Variants in L3MBTL4 observed in about 807,000 individuals in gnomAD.
L3MBTL4 encodes L3MBTL histone methyl-lysine binding protein 4.
A neutral mutation model predicts 84.5 loss-of-function variants in L3MBTL4; 70 were observed. The ratio of observed to expected loss-of-function variants is 0.83; its 90% confidence interval spans 0.68 to 1.01. L3MBTL4 has a LOEUF of 1.01. L3MBTL4 is among the 50% of genes least tolerant of loss of function. The pLI, the probability that L3MBTL4 is intolerant of heterozygous loss-of-function variation, is 0.00. For synonymous variants in L3MBTL4, 274 were observed against 259.8 expected (o/e 1.05, Z -0.52); for missense variants, 715 against 754.8 (o/e 0.95, Z 0.62).
intron 1 of L3MBTL4, among the ~76,000 whole-genome samples, chr18:6,389,929 T>C (rs952121643): frequency 1.3e-5 from 2 of 152,130 alleles, no homozygotes; most frequent in Non-Finnish European, 2.9e-5. Context: ...GGACTTAAAC[T>C]ACACACTAGA....
chr18:6,238,366 C>T (rs943993072), intron 9 of L3MBTL4, among the ~76,000 whole-genome samples: 2 of 151,870 alleles, frequency 1.3e-5, no homozygotes, highest in Non-Finnish European at 2.9e-5. Context: ...ACCCCGTCTC[C>T]ACTAAAAATA....
At chr18:6,186,086 C>T (rs1470221860) in intron 12 of L3MBTL4, among the ~76,000 whole-genome samples, 1 of 151,742 alleles carries the variant, frequency 6.6e-6, no homozygotes, top group Non-Finnish European at 1.5e-5. Context: ...AGTCTCAGCT[C>T]ACTGCAAACT....
At chr18:6,337,682 G>A (rs2052408903) in intron 1 of L3MBTL4, among the ~76,000 whole-genome samples, 1 of 152,062 alleles carries the variant, frequency 6.6e-6, no homozygotes, top group African/African-American at 2.4e-5. Context: ...TGGACACATG[G>A]ATGTGTTTAC....
At chr18:6,243,504 C>A (rs1284387824) in intron 6 of L3MBTL4, 75 bp from the exon 7 acceptor site, 3 of 1,286,610 alleles carry the variant, frequency 2.3e-6, no homozygotes, top group Non-Finnish European at 3.2e-6. Flanking sequence ...ACAAAATATT[C>A]ATATATTTTG....
At chr18:6,153,678 G>A (rs1389989279) in intron 13 of L3MBTL4, among the ~76,000 whole-genome samples, 1 of 152,028 alleles carries the variant, frequency 6.6e-6, no homozygotes, top group Non-Finnish European at 1.5e-5. Context: ...ATGTGTTGAG[G>A]GAGGAAGGTG....
At chr18:6,378,659 T>G (rs772585612) in intron 1 of L3MBTL4, among the ~76,000 whole-genome samples, 1 of 152,152 alleles carries the variant, frequency 6.6e-6, no homozygotes, top group Non-Finnish European at 1.5e-5. Flanking sequence ...GAGGCCTCTG[T>G]TCTGTTCTGT....
intron 5 of L3MBTL4, among the ~76,000 whole-genome samples, chr18:6,257,077 T>C (rs2048175095): frequency 1.3e-5 from 2 of 152,136 alleles, no homozygotes; most frequent in African/African-American, 2.4e-5. Context: ...TGTAGTACGC[T>C]GGACACTTGA....
At chr18:6,083,155 T>A (rs1349985716) in intron 15 of L3MBTL4, among the ~76,000 whole-genome samples, 1 of 152,158 alleles carries the variant, frequency 6.6e-6, no homozygotes, top group Non-Finnish European at 1.5e-5. Flanking sequence ...GCTTTACACA[T>A]CACCTTCCAA....
intron 16 of L3MBTL4, among the ~76,000 whole-genome samples, chr18:6,041,052 C>A (rs2056377752): frequency 6.6e-6 from 1 of 152,166 alleles, no homozygotes; most frequent in Admixed American, 6.5e-5. Context: ...TGACAGATTC[C>A]CAATCAGGAG....
chr18:6,239,492 T>C (rs1354581398), intron 9 of L3MBTL4, among the ~76,000 whole-genome samples: 1 of 152,070 alleles, frequency 6.6e-6, no homozygotes, highest in African/African-American at 2.4e-5. Context: ...CAGGTTATAT[T>C]ATTTCAGATG....
Position 5,956,317 on chromosome 18 carries a change from C to T in L3MBTL4, c.1748G>A (p.Gly583Asp), listed in dbSNP as rs754833015. Residue 583 changes from glycine to aspartate, a missense_variant, in exon 19 of 19, where the codon GGC becomes GAC. Transcript: ENST00000317931. ...DIVKVMKIKL[G>D]PALKIYNSIL... ...AGAGTTGTAAATCTTCAGTGCTGGG[C>T]CCAGTTTGATCTTCATCACTTTGAC... is the stretch of plus-strand genomic sequence containing the variant. The T allele has an allele frequency of 6.2e-7, 1 of 1,614,060 alleles. No homozygotes were observed. The highest frequency in any genetic ancestry group is 8.5e-7 in the Non-Finnish European group (1 of 1,179,956).
chr18:6,157,396 T>C (rs2093175272), intron 13 of L3MBTL4, among the ~76,000 whole-genome samples: 2 of 152,222 alleles, frequency 1.3e-5, no homozygotes, highest in Non-Finnish European at 2.9e-5. Context: ...GCATTAACTT[T>C]TATTTTATAA....
intron 1 of L3MBTL4, among the ~76,000 whole-genome samples, chr18:6,394,228 G>A (rs2055178976): frequency 6.6e-6 from 1 of 152,196 alleles, no homozygotes; most frequent in Admixed American, 6.5e-5. Flanking sequence ...AGCACTTTGG[G>A]AGACCGAGTT....
At chr18:6,189,788 A>T (rs2044977692) in intron 12 of L3MBTL4, among the ~76,000 whole-genome samples, 1 of 152,208 alleles carries the variant, frequency 6.6e-6, no homozygotes, top group Non-Finnish European at 1.5e-5. Context: ...GCAGAAAAAA[A>T]GGCAAGTGGC....
At chr18:6,229,028 T>C (rs950720921) in intron 10 of L3MBTL4, among the ~76,000 whole-genome samples, 2 of 151,924 alleles carry the variant, frequency 1.3e-5, no homozygotes, top group Admixed American at 6.6e-5. Flanking sequence ...AGAAAGAAAA[T>C]GGAATCACAG....
chr18:6,102,070 T>G (rs1302823435), intron 14 of L3MBTL4, among the ~76,000 whole-genome samples: 1 of 152,212 alleles, frequency 6.6e-6, no homozygotes, highest in African/African-American at 2.4e-5. Context: ...TTCCTCATTA[T>G]AGTATTGTTT....
At chr18:6,095,623 T>C (rs2058615181) in intron 14 of L3MBTL4, among the ~76,000 whole-genome samples, 1 of 152,152 alleles carries the variant, frequency 6.6e-6, no homozygotes, top group Non-Finnish European at 1.5e-5. Flanking sequence ...GTGCTGGGAT[T>C]ACAAGCGTGA....
At chr18:6,393,100 A>G (rs1015694115) in intron 1 of L3MBTL4, among the ~76,000 whole-genome samples, 2 of 152,212 alleles carry the variant, frequency 1.3e-5, no homozygotes, top group Non-Finnish European at 1.5e-5. Context: ...TTTAACTATA[A>G]AGATAATAAA....
chr18:6,181,489 C>T (rs2044469722), intron 12 of L3MBTL4, among the ~76,000 whole-genome samples: 1 of 151,498 alleles, frequency 6.6e-6, no homozygotes, highest in African/African-American at 2.4e-5. Flanking sequence ...CCATGCCCAG[C>T]TAATTTTTCT....
Sources: allele counts gnomAD v4.1 joint callset (sites outside exome capture counted in the v4.1 genomes callset), GRCh38; gene constraint gnomAD v4.1.1; transcripts MANE v1.5; gene names NCBI Gene and HGNC (gene_info 2026-07-23, HGNC 2026-07-21).